RASSF3: variants seen among roughly 807,000 people sequenced by gnomAD.
RASSF3 encodes Ras association domain family member 3.
Under a neutral mutation model 19.9 loss-of-function variants are expected in RASSF3, and 19 were observed. The observed-to-expected ratio is 0.96, with a 90% CI of 0.67 to 1.40. The LOEUF is 1.40. Among genes scored for constraint, RASSF3 ranks in the 40% most tolerant of loss-of-function variants. The probability of loss-of-function intolerance (pLI) is 0.00; values close to 1 mark genes in which losing one functional copy is unlikely to be tolerated. For missense variants in RASSF3, 306 were observed against 289.8 expected, an observed-to-expected ratio of 1.06 and a Z score of -0.41; for synonymous variants, 110 against 104.2, an observed-to-expected ratio of 1.06 and a Z score of -0.34.
intron 1 of RASSF3, among the ~76,000 whole-genome samples, chr12:64,518,820 A>T (rs542565061): frequency 4.6e-5 from 7 of 152,326 alleles, no homozygotes; most frequent in African/African-American, 1.4e-4. Flanking sequence ...TGCTCTTGTT[A>T]TCTCTGTCTC....
At chr12:64,531,117 C>T (rs1353580408), upstream of RASSF3, among the ~76,000 whole-genome samples, 2 of 152,110 alleles carry the variant, frequency 1.3e-5, no homozygotes, top group East Asian at 1.9e-4. Context: ...AAATCTTTCC[C>T]TAACCCAAAG....
intron 1 of RASSF3, among the ~76,000 whole-genome samples, chr12:64,632,349 G>A (rs1393962640): frequency 1.3e-5 from 2 of 152,158 alleles, no homozygotes; most frequent in African/African-American, 4.8e-5. Flanking sequence ...TGAATATTTT[G>A]TGAGTAAGGA....
chr12:64,604,337 G>A (rs962328468), intron 2 of RASSF3, among the ~76,000 whole-genome samples: 3 of 151,888 alleles, frequency 2.0e-5, no homozygotes, highest in African/African-American at 7.3e-5. Context: ...TGTTGTCCAG[G>A]CTGGTCTCCA....
chr12:64,650,408 C>CTTTTTTTTTTTTTTT (rs67304103), intron 1 of RASSF3, among the ~76,000 whole-genome samples: 1 of 85,470 alleles, frequency 1.2e-5, no homozygotes, highest in African/African-American at 4.8e-5. Flanking sequence ...TTTTTTTTTC[C>CTTTTTTTTTTTTTTT]TTTTTTTTTT....
At chr12:64,571,524 G>C (rs908513074) in intron 2 of RASSF3, among the ~76,000 whole-genome samples, 26 of 152,128 alleles carry the variant, frequency 1.7e-4, no homozygotes, top group Admixed American at 6.6e-5. Flanking sequence ...CTGGGCTGAG[G>C]CTTCAGCACA....
At chr12:64,650,931 C>T (rs868556063) in intron 1 of RASSF3, among the ~76,000 whole-genome samples, 2 of 152,146 alleles carry the variant, frequency 1.3e-5, no homozygotes, top group East Asian at 1.9e-4. Context: ...TGTGCATGCG[C>T]GATTGTATGG....
intron 1 of RASSF3, among the ~76,000 whole-genome samples, chr12:64,660,004 G>GTT: frequency 1.3e-5 from 1 of 78,236 alleles, no homozygotes; most frequent in Non-Finnish European, 2.8e-5. Flanking sequence ...ATATGTGTGC[G>GTT]TGTATATATA....
chr12:64,515,961 T>C (rs1378484222), intron 1 of RASSF3, among the ~76,000 whole-genome samples: 2 of 152,190 alleles, frequency 1.3e-5, no homozygotes, highest in Non-Finnish European at 2.9e-5. Flanking sequence ...GGTTCAGTAT[T>C]AAGAAGCTAT....
At chr12:64,689,707 T>C (rs1873501840) in intron 3 of RASSF3, among the ~76,000 whole-genome samples, 1 of 152,124 alleles carries the variant, frequency 6.6e-6, no homozygotes, top group Non-Finnish European at 1.5e-5. Context: ...TGTGTGTGTC[T>C]AGCATGAGAC....
chr12:64,627,497 C>A lies in RASSF3; in HGVS notation c.111+16754C>A, dbSNP rs560257036. ...ATCCTGCCTATGAGCTTCACAAGGG[C>A]AGACCACATCTCTAGTTTTCACCAT... On this transcript the variant is annotated intron_variant, in intron 1 of 4. Coordinates refer to ENST00000542104, the MANE Select transcript of RASSF3 (RefSeq NM_178169.4). 9.9e-5 allele frequency among the ~76,000 whole-genome samples: 15 copies of A among 152,280 alleles called. 1 individual carries two copies. The South Asian group carries it at 1.7e-3, about 17-fold the overall frequency.
chr12:64,677,643 G>A (rs937420643), intron 1 of RASSF3, among the ~76,000 whole-genome samples: 3 of 152,122 alleles, frequency 2.0e-5, no homozygotes, highest in South Asian at 2.1e-4. Context: ...GACATCAAAC[G>A]TAAATACAAA....
chr12:64,616,736 GT>G (rs1426864076), intron 1 of RASSF3, among the ~76,000 whole-genome samples: 3 of 152,220 alleles, frequency 2.0e-5, no homozygotes, highest in African/African-American at 7.2e-5. Flanking sequence ...CTTGTAGGAA[GT>G]TTTTATTCTC....
At chr12:64,568,780 G>A (rs1187471271) in intron 2 of RASSF3, among the ~76,000 whole-genome samples, 2 of 151,852 alleles carry the variant, frequency 1.3e-5, no homozygotes, top group Non-Finnish European at 2.9e-5. Context: ...CATGATCTTG[G>A]CTCACTGCAA....
At chr12:64,589,789 G>A (rs906892411) in intron 2 of RASSF3, among the ~76,000 whole-genome samples, 2 of 151,742 alleles carry the variant, frequency 1.3e-5, no homozygotes, top group Admixed American at 1.3e-4. Flanking sequence ...GATCACTTGA[G>A]GTCAGGAGTT....
chr12:64,524,385 C>G (rs73315562), intron 1 of RASSF3, among the ~76,000 whole-genome samples: 3,513 of 152,072 alleles, frequency 0.023, 128 homozygotes, highest in African/African-American at 0.08. Flanking sequence ...CCGCGCCCAG[C>G]CTGTACTTGC....
At chr12:64,615,042 A>G (rs1230224291) in intron 1 of RASSF3, among the ~76,000 whole-genome samples, 1 of 152,154 alleles carries the variant, frequency 6.6e-6, no homozygotes, top group Non-Finnish European at 1.5e-5. Context: ...TAGTCATGAC[A>G]GTGTTTATAA....
intron 1 of RASSF3, 28 bp from the exon 2 acceptor site, chr12:64,684,759 C>A: frequency 1.3e-6 from 2 of 1,486,072 alleles, no homozygotes; most frequent in Non-Finnish European, 9.4e-7. Context: ...TGATTGCTCA[C>A]ATGTGACATG....
intron 2 of RASSF3, among the ~76,000 whole-genome samples, chr12:64,590,004 G>GAAA (rs572265732): frequency 1.8e-5 from 1 of 54,374 alleles, no homozygotes; most frequent in Non-Finnish European, 3.6e-5. Context: ...TCGGTCTCAG[G>GAAA]AAAAAAAAAA....
At chr12:64,559,482 G>T (rs1869312334) in intron 2 of RASSF3, among the ~76,000 whole-genome samples, 1 of 152,000 alleles carries the variant, frequency 6.6e-6, no homozygotes, top group Non-Finnish European at 1.5e-5. Flanking sequence ...TGTTAGCCAG[G>T]ATGGTCTCGA....
Sources: allele counts gnomAD v4.1 joint callset (sites outside exome capture counted in the v4.1 genomes callset), GRCh38; gene constraint gnomAD v4.1.1; transcripts MANE v1.5; gene names NCBI Gene and HGNC (gene_info 2026-07-23, HGNC 2026-07-21).